ANO6: variants seen among roughly 807,000 people sequenced by gnomAD.
ANO6 encodes anoctamin 6.
In ANO6, 106 loss-of-function variants were observed where a neutral mutation model predicts 117.5. The ratio of observed to expected loss-of-function variants is 0.90; its 90% CI spans 0.77 to 1.06. The LOEUF (loss-of-function observed/expected upper bound fraction) is 1.06. Ranked by LOEUF, ANO6 falls within the 50% of genes least tolerant of loss-of-function variation. The probability of loss-of-function intolerance (pLI) is 0.00; values close to 1 mark genes in which losing one functional copy is unlikely to be tolerated. For synonymous variants in ANO6, 367 were observed against 385.1 expected (o/e 0.95, Z 0.55); for missense variants, 955 against 1,121.1 (o/e 0.85, Z 2.12).
At chr12:45,413,023 G>A (rs1007180287) in intron 16 of ANO6, among the ~76,000 whole-genome samples, 1 of 152,220 alleles carries the variant, frequency 6.6e-6, no homozygotes, top group Admixed American at 6.5e-5. Flanking sequence ...GGGAATATCA[G>A]GTAGGCAGGG....
intron 1 of ANO6, among the ~76,000 whole-genome samples, chr12:45,231,440 A>G (rs1318261062): frequency 1.3e-5 from 2 of 152,230 alleles, no homozygotes; most frequent in Non-Finnish European, 2.9e-5. Flanking sequence ...ATCAGACCTA[A>G]GAAAAGTTTA....
At chr12:45,409,224 C>A (rs1334656291) in intron 15 of ANO6, 133 bp from the exon 16 acceptor site, 1 of 1,217,038 alleles carries the variant, frequency 8.2e-7, no homozygotes, top group African/African-American at 1.5e-5. Context: ...GAAATAAAAA[C>A]AAATTTAGCA....
intron 8 of ANO6, among the ~76,000 whole-genome samples, chr12:45,365,304 T>A (rs12578188): frequency 0.016 from 2,505 of 152,336 alleles, 65 homozygotes; most frequent in East Asian, 0.098. Flanking sequence ...CCTACACATG[T>A]GCATGGCCTT....
intron 15 of ANO6, among the ~76,000 whole-genome samples, chr12:45,407,376 G>C (rs1313785434): frequency 1.3e-5 from 2 of 150,750 alleles, no homozygotes; most frequent in African/African-American, 4.9e-5. Flanking sequence ...CTAGAAGTTT[G>C]GGAGGCAAAG....
At chr12:45,420,188 AG>A (rs759725747) in intron 17 of ANO6, among the ~76,000 whole-genome samples, 6 of 152,196 alleles carry the variant, frequency 3.9e-5, no homozygotes, top group Admixed American at 6.5e-5. Flanking sequence ...AATACTATAC[AG>A]GAAAAAAGTG....
chr12:45,282,632 T>G (rs1290905921), intron 1 of ANO6, among the ~76,000 whole-genome samples: 1 of 152,012 alleles, frequency 6.6e-6, no homozygotes, highest in Non-Finnish European at 1.5e-5. Flanking sequence ...GGTAGAGGAG[T>G]GCCAGCGTAC....
intron 1 of ANO6, among the ~76,000 whole-genome samples, chr12:45,225,845 C>G (rs1246521961): frequency 6.6e-5 from 10 of 152,152 alleles, no homozygotes; most frequent in Admixed American, 3.9e-4. Context: ...GAATTCAGGG[C>G]TGGGTCTGTG....
chr12:45,391,966 A>G (rs1316206959), intron 12 of ANO6, among the ~76,000 whole-genome samples: 1 of 152,220 alleles, frequency 6.6e-6, no homozygotes, highest in Non-Finnish European at 1.5e-5. Flanking sequence ...TGCATTTCCA[A>G]CTGAGGTACC....
intron 8 of ANO6, among the ~76,000 whole-genome samples, chr12:45,363,900 TC>T (rs1438416577): frequency 6.6e-6 from 1 of 152,154 alleles, no homozygotes; most frequent in Non-Finnish European, 1.5e-5. Flanking sequence ...GAACTGTGAG[TC>T]CATTAAACCT....
intron 1 of ANO6, among the ~76,000 whole-genome samples, chr12:45,262,114 A>T (rs961353938): frequency 6.6e-6 from 1 of 152,310 alleles, no homozygotes; most frequent in Non-Finnish European, 1.5e-5. Context: ...TTTGGGAAAT[A>T]CAGAAAACTG....
chr12:45,416,657 C>A, intron 16 of ANO6, 42 bp from the exon 17 acceptor site: 1 of 1,593,694 alleles, frequency 6.3e-7, no homozygotes, highest in Non-Finnish European at 8.6e-7. Context: ...GTTGTCCTTC[C>A]ATCCACCACC....
Position 45,430,798 on chromosome 12 carries a change from C to A in ANO6, c.*1487C>A, listed in dbSNP as rs3803178. 1.0e-6 allele frequency: 1 copy of A among 985,172 alleles called. No homozygotes were observed. The highest frequency in any genetic ancestry group is 1.2e-6 in the Non-Finnish European group (1 of 829,948). 61.0% of individuals were successfully genotyped at this position (985,172 alleles called of 1,614,324 possible). ...CCTTGTAAGTGTCAGGCCTCCTGGG[C>A]GCTCTGGAAAAGACAGGGAGCCAGG... On this transcript the variant is annotated 3_prime_UTR_variant, in exon 20 of 20. Transcript: ENST00000320560.
At chr12:45,218,241 G>T (rs974486679) in intron 1 of ANO6, among the ~76,000 whole-genome samples, 3 of 151,988 alleles carry the variant, frequency 2.0e-5, no homozygotes, top group African/African-American at 7.3e-5. Flanking sequence ...GGTCTCTACT[G>T]TAGGGGTCAT....
At chr12:45,418,009 T>C (rs1396364459) in intron 17 of ANO6, among the ~76,000 whole-genome samples, 2 of 152,212 alleles carry the variant, frequency 1.3e-5, no homozygotes, top group Non-Finnish European at 2.9e-5. Flanking sequence ...ATAAGAATAG[T>C]ACATACCAAC....
At chr12:45,313,098 G>C (rs1041904797) in intron 2 of ANO6, 1 of 152,026 alleles carries the variant, frequency 6.6e-6, no homozygotes, top group African/African-American at 2.4e-5. Context: ...TATACCATCT[G>C]TGAGATATGA....
chr12:45,256,734 T>C (rs1234750938), intron 1 of ANO6: 1 of 152,204 alleles, frequency 6.6e-6, no homozygotes, highest in Admixed American at 6.5e-5. Context: ...CATGCAGCAG[T>C]GAAAATAGAT....
intron 10 of ANO6, among the ~76,000 whole-genome samples, chr12:45,381,755 C>T (rs1427054121): frequency 2.0e-5 from 3 of 152,104 alleles, no homozygotes; most frequent in Non-Finnish European, 4.4e-5. Flanking sequence ...TTCAGAATTT[C>T]GTAAACAGAA....
chr12:45,438,251 A>ATG (rs58453929), intron 19 of ANO6, among the ~76,000 whole-genome samples: 53,497 of 146,618 alleles, frequency 0.36, 11,725 homozygotes, highest in Non-Finnish European at 0.5. Flanking sequence ...ATTTGCGTGT[A>ATG]TGTGTGTGTG....
chr12:45,406,088 C>T (rs1030840056), intron 15 of ANO6, among the ~76,000 whole-genome samples: 5 of 152,206 alleles, frequency 3.3e-5, no homozygotes, highest in African/African-American at 4.8e-5. Context: ...CTTCCTCTCC[C>T]GCCTTTGGGC....
Sources: gnomAD v4.1 joint callset for allele counts (sites outside exome capture counted in the v4.1 genomes callset) on GRCh38, gnomAD v4.1.1 for gene constraint, MANE v1.5 for transcripts, NCBI Gene and HGNC (gene_info 2026-07-23, HGNC 2026-07-21) for gene names.